FGF12: variants seen among roughly 807,000 people sequenced by gnomAD.
The protein encoded by FGF12 is fibroblast growth factor 12.
A neutral mutation model predicts 23.6 loss-of-function variants in FGF12; 14 were observed. The observed-to-expected ratio is 0.59, with a 90% CI of 0.39 to 0.93. The LOEUF (loss-of-function observed/expected upper bound fraction) is 0.93. Among genes scored for constraint, FGF12 ranks in the 40% least tolerant of loss-of-function variants. The probability of loss-of-function intolerance (pLI) is 0.00; values close to 1 mark genes in which losing one functional copy is unlikely to be tolerated. For synonymous variants in FGF12, 62 were observed against 77.3 expected, an observed-to-expected ratio of 0.80 and a Z score of 1.04; for missense variants, 175 against 217.8, an observed-to-expected ratio of 0.80 and a Z score of 1.24.
intron 4 of FGF12, among the ~76,000 whole-genome samples, chr3:192,171,243 T>TA: frequency 6.6e-6 from 1 of 152,152 alleles, no homozygotes; most frequent in Non-Finnish European, 1.5e-5. Context: ...AGAAAAAAAT[T>TA]ACTATTATAT....
chr3:192,672,484 G>T (rs1263001470), intron 2 of FGF12, among the ~76,000 whole-genome samples: 1 of 150,596 alleles, frequency 6.6e-6, no homozygotes, highest in Admixed American at 6.7e-5. Context: ...ACGTATTGCC[G>T]TGCAGCTTGG....
At chr3:192,327,784 C>T (rs1008421493) in intron 4 of FGF12, among the ~76,000 whole-genome samples, 6 of 152,112 alleles carry the variant, frequency 3.9e-5, no homozygotes, top group Non-Finnish European at 8.8e-5. Context: ...ACTGCAGCCT[C>T]GATGTCCTAA....
intron 2 of FGF12, among the ~76,000 whole-genome samples, chr3:192,721,514 A>G (rs1225561424): frequency 6.6e-6 from 1 of 152,186 alleles, no homozygotes; most frequent in African/African-American, 2.4e-5. Flanking sequence ...AACGTTATTT[A>G]TGGGTGTAAA....
chr3:192,630,576 G>A (rs1327581235), intron 2 of FGF12, among the ~76,000 whole-genome samples: 41 of 130,892 alleles, frequency 3.1e-4, no homozygotes, highest in African/African-American at 1.0e-3. Flanking sequence ...TTTTTTAGAT[G>A]GAGTCTTGCT....
At chr3:192,404,775 G>A (rs1720895398) in intron 2 of FGF12, among the ~76,000 whole-genome samples, 1 of 152,090 alleles carries the variant, frequency 6.6e-6, no homozygotes, top group Non-Finnish European at 1.5e-5. Context: ...AGTGTCTAAG[G>A]GGCCCATTAA....
chr3:192,260,603 T>A (rs1712687666), intron 4 of FGF12, among the ~76,000 whole-genome samples: 1 of 152,156 alleles, frequency 6.6e-6, no homozygotes, highest in Admixed American at 6.6e-5. Flanking sequence ...CTTGGACCTC[T>A]CAGTTAGCAT....
intron 2 of FGF12, among the ~76,000 whole-genome samples, chr3:192,442,332 A>G (rs1722223989): frequency 6.6e-6 from 1 of 152,260 alleles, no homozygotes; most frequent in African/African-American, 2.4e-5. Flanking sequence ...AGCTGCTTCC[A>G]GTATAGCACT....
chr3:192,609,865 C>T (rs1207153089), intron 2 of FGF12, among the ~76,000 whole-genome samples: 1 of 152,076 alleles, frequency 6.6e-6, no homozygotes, highest in African/African-American at 2.4e-5. Context: ...TGACTTGGTT[C>T]AAACAGACGT....
chr3:192,280,556 T>C (rs1714084240), intron 4 of FGF12, among the ~76,000 whole-genome samples: 1 of 152,192 alleles, frequency 6.6e-6, no homozygotes, highest in African/African-American at 2.4e-5. Context: ...TTTTATAGTA[T>C]CTGACATGAT....
intron 4 of FGF12, among the ~76,000 whole-genome samples, chr3:192,235,665 AGTCT>A (rs1435526478): frequency 6.6e-6 from 1 of 152,100 alleles, no homozygotes; most frequent in Non-Finnish European, 1.5e-5. Flanking sequence ...TGTTCATAAT[AGTCT>A]CCGGGGAATT....
intron 2 of FGF12, among the ~76,000 whole-genome samples, chr3:192,546,642 T>C (rs958003148): frequency 6.6e-6 from 1 of 152,122 alleles, no homozygotes; most frequent in African/African-American, 2.4e-5. Flanking sequence ...GATTCACCAA[T>C]GTATTTCTAG....
At chr3:192,339,444 CCAATGTCCTTTA>C (rs1377176149) in intron 3 of FGF12, among the ~76,000 whole-genome samples, 2 of 152,284 alleles carry the variant, frequency 1.3e-5, no homozygotes, top group Non-Finnish European at 2.9e-5. Context: ...CTCCCTGTCT[CCAATGTCCTTTA>C]CAACCTGGCT....
At chr3:192,154,761 CT>C (rs1380684866) in intron 5 of FGF12, among the ~76,000 whole-genome samples, 1 of 145,170 alleles carries the variant, frequency 6.9e-6, no homozygotes, top group Non-Finnish European at 1.5e-5. Flanking sequence ...TTACTGCTGT[CT>C]TTTTGTTTGT....
At chr3:192,670,244 T>C (rs755136102) in intron 2 of FGF12, among the ~76,000 whole-genome samples, 18 of 152,142 alleles carry the variant, frequency 1.2e-4, no homozygotes, top group Non-Finnish European at 2.2e-4. Flanking sequence ...CACTAATTTT[T>C]TGTTTTCAAA....
At chr3:192,480,836 T>A (rs1723459751) in intron 2 of FGF12, among the ~76,000 whole-genome samples, 1 of 152,200 alleles carries the variant, frequency 6.6e-6, no homozygotes, top group African/African-American at 2.4e-5. Flanking sequence ...CCAAACCAGC[T>A]TAACTGCATT....
At chr3:192,326,660 A>G (rs1262964616) in intron 4 of FGF12, among the ~76,000 whole-genome samples, 2 of 152,176 alleles carry the variant, frequency 1.3e-5, no homozygotes, top group Non-Finnish European at 2.9e-5. Flanking sequence ...TTATCACTGT[A>G]ATAAAGCCAT....
chr3:192,353,224 A>T (rs1718304822), intron 3 of FGF12, among the ~76,000 whole-genome samples: 2 of 152,214 alleles, frequency 1.3e-5, no homozygotes, highest in South Asian at 4.1e-4. Flanking sequence ...CACTTGGTTA[A>T]GGAGCTCCAA....
intron 2 of FGF12, among the ~76,000 whole-genome samples, chr3:192,493,095 T>C (rs1391232029): frequency 6.6e-6 from 1 of 151,876 alleles, no homozygotes; most frequent in Admixed American, 6.6e-5. Context: ...ATCATGGGAA[T>C]TACAAATTTA....
chr3:192,191,729 A>G (rs1268961704), intron 4 of FGF12, among the ~76,000 whole-genome samples: 2 of 151,912 alleles, frequency 1.3e-5, no homozygotes, highest in African/African-American at 2.4e-5. Context: ...CCAGCTACTC[A>G]GGAGGCTGAG....
Sources: gnomAD v4.1 joint callset for allele counts (sites outside exome capture counted in the v4.1 genomes callset) on GRCh38, gnomAD v4.1.1 for gene constraint, MANE v1.5 for transcripts, NCBI Gene and HGNC (gene_info 2026-07-23, HGNC 2026-07-21) for gene names.